The following NKAIN3 variants were observed in gnomAD, a reference collection of about 807,000 sequenced individuals.
The protein encoded by NKAIN3 is sodium/potassium-transporting ATPase subunit beta-1-interacting protein 3.
A neutral mutation model predicts 30.2 loss-of-function variants in NKAIN3; 25 were observed. The observed-to-expected ratio is 0.83, with a 90% CI of 0.60 to 1.16. The LOEUF is 1.16. Ranked by LOEUF, NKAIN3 falls within the 50% of genes most tolerant of loss-of-function variation. The probability of loss-of-function intolerance (pLI) is 0.00; values close to 1 mark genes in which losing one functional copy is unlikely to be tolerated. For missense variants in NKAIN3, 225 were observed against 254.1 expected (o/e 0.89, Z 0.78); for synonymous variants, 91 against 89.6 (o/e 1.02, Z -0.09).
intron 4 of NKAIN3, among the ~76,000 whole-genome samples, chr8:62,775,316 T>G (rs1817155950): frequency 6.8e-6 from 1 of 147,912 alleles, no homozygotes; most frequent in Non-Finnish European, 1.5e-5. Flanking sequence ...TTTACCTTGC[T>G]AAAAATGTGT....
At chr8:62,280,113 G>A (rs955432066) in intron 1 of NKAIN3, among the ~76,000 whole-genome samples, 1 of 152,050 alleles carries the variant, frequency 6.6e-6, no homozygotes, top group African/African-American at 2.4e-5. Flanking sequence ...TGGATTCCTA[G>A]GTATTTTATT....
chr8:62,623,303 C>T (rs924026868), intron 3 of NKAIN3, among the ~76,000 whole-genome samples: 1 of 152,010 alleles, frequency 6.6e-6, no homozygotes, highest in Non-Finnish European at 1.5e-5. Flanking sequence ...TCAGGAAACC[C>T]TTCACTAGAA....
chr8:62,772,312 A>G (rs986227879), intron 4 of NKAIN3, among the ~76,000 whole-genome samples: 2 of 152,164 alleles, frequency 1.3e-5, no homozygotes, highest in Non-Finnish European at 2.9e-5. Context: ...TCATCTGTTG[A>G]TAGACACTTT....
At chr8:62,363,441 A>T (rs1435715848) in intron 1 of NKAIN3, among the ~76,000 whole-genome samples, 1 of 152,118 alleles carries the variant, frequency 6.6e-6, no homozygotes, top group African/African-American at 2.4e-5. Flanking sequence ...GAGACCCTGG[A>T]CATTCCGCCT....
At chr8:62,610,869 C>T (rs979218493) in intron 3 of NKAIN3, among the ~76,000 whole-genome samples, 2 of 152,038 alleles carry the variant, frequency 1.3e-5, no homozygotes, top group African/African-American at 2.4e-5. Flanking sequence ...AGCCCTACTA[C>T]GTTTTTTACT....
At chr8:62,526,271 T>C (rs1808302698) in intron 1 of NKAIN3, among the ~76,000 whole-genome samples, 1 of 151,650 alleles carries the variant, frequency 6.6e-6, no homozygotes. Flanking sequence ...CAACAACAAC[T>C]AAAAAAAACC....
intron 4 of NKAIN3, among the ~76,000 whole-genome samples, chr8:62,910,364 T>C (rs1391558073): frequency 6.6e-6 from 1 of 152,156 alleles, no homozygotes; most frequent in South Asian, 2.1e-4. Context: ...TTCACATACA[T>C]AGCTTGCTTC....
intron 1 of NKAIN3, among the ~76,000 whole-genome samples, chr8:62,379,214 C>A (rs907178973): frequency 1.3e-5 from 2 of 152,164 alleles, no homozygotes; most frequent in Non-Finnish European, 2.9e-5. Context: ...TGTATTTATC[C>A]AATACCTGTA....
At chr8:62,730,338 A>G (rs1815427233) in intron 3 of NKAIN3, among the ~76,000 whole-genome samples, 2 of 152,140 alleles carry the variant, frequency 1.3e-5, no homozygotes, top group Admixed American at 1.3e-4. Flanking sequence ...AGAACAGTGT[A>G]GGCACAAATA....
chr8:62,397,996 A>G lies in NKAIN3; in HGVS notation c.54+148869A>G, dbSNP rs180859536. Among the ~76,000 whole-genome samples, 68 of 152,304 alleles carry G rather than the reference A, an allele frequency of 4.5e-4. 1 individual carries two copies. In the East Asian group the frequency reaches 0.011, roughly 24 times the overall value. ...TCCTTATACATCATTTTCCACATAC[A>G]AACATGGACACTAACTTAAGGGTAA... On this transcript the variant is annotated intron_variant, in intron 1 of 6. Coordinates refer to ENST00000623646, the MANE Select transcript of NKAIN3 (RefSeq NM_001304533.3).
intron 1 of NKAIN3, among the ~76,000 whole-genome samples, chr8:62,379,633 C>G (rs1221628606): frequency 6.6e-6 from 1 of 152,178 alleles, no homozygotes; most frequent in African/African-American, 2.4e-5. Context: ...TACTCATTCT[C>G]TCTTCTGCCA....
intron 3 of NKAIN3, among the ~76,000 whole-genome samples, chr8:62,662,078 A>G (rs1812963228): frequency 6.6e-6 from 1 of 152,134 alleles, no homozygotes; most frequent in Non-Finnish European, 1.5e-5. Context: ...CACCAAAAGG[A>G]GCCCCCTGAA....
intron 4 of NKAIN3, among the ~76,000 whole-genome samples, chr8:62,907,860 G>A (rs2130845943): frequency 6.6e-6 from 1 of 152,350 alleles, no homozygotes. Flanking sequence ...CAGTGCACAA[G>A]GGAAATGTGC....
chr8:62,488,338 T>G (rs1022916371), intron 1 of NKAIN3, among the ~76,000 whole-genome samples: 1 of 152,320 alleles, frequency 6.6e-6, no homozygotes, highest in East Asian at 1.9e-4. Flanking sequence ...TTTCCTCTGC[T>G]AATTCTGGCC....
At chr8:62,345,608 TG>T (rs1815968636) in intron 1 of NKAIN3, among the ~76,000 whole-genome samples, 1 of 148,096 alleles carries the variant, frequency 6.8e-6, no homozygotes, top group African/African-American at 2.5e-5. Flanking sequence ...TACACATATA[TG>T]TATATACACA....
intron 1 of NKAIN3, among the ~76,000 whole-genome samples, chr8:62,276,073 TTTA>T (rs1275198218): frequency 6.6e-6 from 1 of 152,128 alleles, no homozygotes; most frequent in African/African-American, 2.4e-5. Flanking sequence ...TCTTTTTTCT[TTTA>T]TTTTTTTGAG....
chr8:62,934,736 C>G (rs1249084429), intron 5 of NKAIN3, among the ~76,000 whole-genome samples: 1 of 152,080 alleles, frequency 6.6e-6, no homozygotes, highest in African/African-American at 2.4e-5. Flanking sequence ...CCACTTTGAG[C>G]ACCTTACTCA....
chr8:62,701,814 A>G (rs1814346112), intron 3 of NKAIN3, among the ~76,000 whole-genome samples: 2 of 152,088 alleles, frequency 1.3e-5, no homozygotes, highest in Non-Finnish European at 2.9e-5. Flanking sequence ...TTCACCTCTT[A>G]TTTGAAGCCT....
At chr8:62,746,160 C>T (rs752509598) in intron 3 of NKAIN3, among the ~76,000 whole-genome samples, 9 of 152,198 alleles carry the variant, frequency 5.9e-5, no homozygotes, top group Non-Finnish European at 1.0e-4. Flanking sequence ...TTCTTCCTGG[C>T]GTCTTCCCAC....
Sources: gnomAD v4.1 joint callset for allele counts (sites outside exome capture counted in the v4.1 genomes callset) on GRCh38, gnomAD v4.1.1 for gene constraint, MANE v1.5 for transcripts, NCBI Gene and HGNC (gene_info 2026-07-23, HGNC 2026-07-21) for gene names.